PDLIM2: variants seen among roughly 807,000 people sequenced by gnomAD.
The protein encoded by PDLIM2 is PDZ and LIM domain protein 2.
Under a neutral mutation model 54.1 loss-of-function variants are expected in PDLIM2, and 51 were observed. The observed-to-expected ratio is 0.94, with a 90% CI of 0.75 to 1.19. The LOEUF (loss-of-function observed/expected upper bound fraction) is 1.19. Ranked by LOEUF, PDLIM2 falls within the 50% of genes most tolerant of loss-of-function variation. The pLI is 0.00. For missense variants in PDLIM2, 912 were observed against 874.0 expected (o/e 1.04, Z -0.55); for synonymous variants, 398 against 385.6 (o/e 1.03, Z -0.38).
At chr8:22,587,357 C>T (rs942364825) in intron 6 of PDLIM2, among the ~76,000 whole-genome samples, 10 of 151,982 alleles carry the variant, frequency 6.6e-5, no homozygotes, top group Non-Finnish European at 1.2e-4. Flanking sequence ...CATAGTGAAA[C>T]CCCCATCTCT....
At chr8:22,584,304 G>A (rs185877256) in intron 3 of PDLIM2, among the ~76,000 whole-genome samples, 4 of 151,524 alleles carry the variant, frequency 2.6e-5, no homozygotes, top group Non-Finnish European at 4.4e-5. Flanking sequence ...GTGAGCCACC[G>A]TGCCCGGCCT....
chr8:22,593,808 C>T (rs1277532955), exon 10 of PDLIM2: 4 of 1,604,350 alleles, frequency 2.5e-6, no homozygotes, highest in Middle Eastern at 1.6e-4. Flanking sequence ...GTGGGCTGAA[C>T]CTGAAGATGC....
At chr8:22,592,880 T>A (rs2957092) in intron 9 of PDLIM2, 42,718 of 152,112 alleles carry the variant, frequency 0.28, 7,489 homozygotes, top group East Asian at 0.61. Flanking sequence ...TTAAAAAAAA[T>A]TTTTAATATT....
At chr8:22,579,414 G>A in exon 1 of PDLIM2, 1 of 1,512,856 alleles carries the variant, frequency 6.6e-7, no homozygotes, top group Non-Finnish European at 8.8e-7. Context: ...CCCCCAGCCC[G>A]CAGGGTACTT....
intron 1 of PDLIM2, 93 bp from the exon 1 acceptor site, chr8:22,580,382 A>C: frequency 8.5e-7 from 1 of 1,174,024 alleles, no homozygotes. Flanking sequence ...AGACTAAGGA[A>C]GGGAGAACCC....
downstream of PDLIM2, chr8:22,594,713 C>G (rs983144758): frequency 5.8e-6 from 9 of 1,542,656 alleles, no homozygotes; most frequent in African/African-American, 1.1e-4. Context: ...CCAGGTTGAT[C>G]TACCGACACC....
At chr8:22,593,603 A>ATT in intron 9 of PDLIM2, 130 bp from the exon 9 acceptor site, 5 of 574,878 alleles carry the variant, frequency 8.7e-6, no homozygotes, top group Non-Finnish European at 1.4e-5. Context: ...AAAAAAAAAA[A>ATT]GTCTAGTCTC....
At chr8:22,593,679 T>C (rs150711946) in intron 9 of PDLIM2, 54 bp from the exon 9 acceptor site, 1 of 1,489,778 alleles carries the variant, frequency 6.7e-7, no homozygotes, top group African/African-American at 1.4e-5. Context: ...CTGGGCATGG[T>C]GGCCTCCTGC....
At chr8:22,595,164 C>G (rs1800658460), downstream of PDLIM2, 1 of 153,652 alleles carries the variant, frequency 6.5e-6, no homozygotes. Flanking sequence ...TCCCTGCCGG[C>G]AGCTTTGTGC....
chr8:22,587,049 C>G (rs1341695883), intron 6 of PDLIM2, among the ~76,000 whole-genome samples: 1 of 152,206 alleles, frequency 6.6e-6, no homozygotes, highest in Non-Finnish European at 1.5e-5. Context: ...ACCTTGATGA[C>G]TCTGCTCATT....
exon 1 of PDLIM2, chr8:22,578,771 G>A (rs964285289): frequency 1.7e-5 from 21 of 1,233,792 alleles, no homozygotes; most frequent in Non-Finnish European, 2.0e-5. Flanking sequence ...CCCTGCCCAG[G>A]ACCTGGGGAT....
intron 6 of PDLIM2, among the ~76,000 whole-genome samples, chr8:22,587,267 A>G (rs1218812531): frequency 6.6e-6 from 1 of 152,006 alleles, no homozygotes; most frequent in Non-Finnish European, 1.5e-5. Flanking sequence ...GTGCTGTGAC[A>G]TGTGCCTGGA....
downstream of PDLIM2, chr8:22,594,564 C>T (rs776272371): frequency 1.9e-6 from 3 of 1,614,054 alleles, no homozygotes; most frequent in South Asian, 3.3e-5. Flanking sequence ...ATGAGATTGT[C>T]ACTGGAAGCT....
At position 22,581,363 on chromosome 8, in the gene PDLIM2, C is replaced by T. The variant is rs764642235; in HGVS notation, c.844-16C>T. ...CTGGGCCACGGTCTGAGCATGCCAGCTCCTCATCCCTACAGGTGGCCGAGC... is the reference window on the plus strand; with the variant it reads ...CTGGGCCACGGTCTGAGCATGCCAGTTCCTCATCCCTACAGGTGGCCGAGC... On this transcript the variant is annotated splice_polypyrimidine_tract_variant and intron_variant, in intron 2 of 9. Transcript: ENST00000308354. 6.3e-7 allele frequency: 1 copy of T among 1,587,558 alleles called. No individual in the cohort carries two copies. The highest frequency in any genetic ancestry group is 8.6e-7 in the Non-Finnish European group (1 of 1,169,064).
At position 22,584,904 on chromosome 8, in the gene PDLIM2, C is replaced by G; in HGVS notation, c.1065+14C>G. 1.2e-6 allele frequency: 2 copies of G among 1,614,112 alleles called. No homozygotes were observed. Among genetic ancestry groups the G allele is most frequent in the Non-Finnish European group, 1.7e-6 (2 of 1,179,972 alleles). Reference sequence around the variant, plus strand: ...ACTCGCTTCCAGGTAAGCTGGTGCCCTCCCCTGACAGCCTCAGCACCCTGA... The same window carrying G: ...ACTCGCTTCCAGGTAAGCTGGTGCCGTCCCCTGACAGCCTCAGCACCCTGA... On this transcript the variant is annotated intron_variant, in intron 4 of 9. Transcript: ENST00000308354.
Position 22,589,467 on chromosome 8 carries a change from C to G in PDLIM2, c.1367+93C>G, listed in dbSNP as rs557235303. 2.0e-6 allele frequency: 3 copies of G among 1,530,102 alleles called. No individual in the cohort carries two copies. The South Asian group carries it at 3.6e-5, about 18-fold the overall frequency. The allele number at this position is 1,530,102 out of a possible 1,614,324, so 94.8% of individuals were successfully genotyped here. A position where few individuals can be genotyped will look rare whatever the true frequency, so the allele number is the denominator to read the frequency against. On this transcript the variant is annotated intron_variant, in intron 7 of 9. Transcript: ENST00000308354. ...CTTCCCCGAGAGGGATGGGGTCCCC[C>G]AAGCCCAGTTGGCTCCTCCACCTCC... is the stretch of plus-strand genomic sequence containing the variant.
At chr8:22,588,367 G>A (rs1339302839) in intron 6 of PDLIM2, 2 of 152,294 alleles carry the variant, frequency 1.3e-5, no homozygotes, top group Admixed American at 1.3e-4. Flanking sequence ...ATTCATCCAT[G>A]ACTTTGAATT....
At chr8:22,585,883 A>AGC (rs1037037637) in intron 6 of PDLIM2, among the ~76,000 whole-genome samples, 5 of 148,556 alleles carry the variant, frequency 3.4e-5, no homozygotes, top group African/African-American at 1.2e-4. Flanking sequence ...TTCTGCCTTG[A>AGC]GCGCTCTTGG....
In PDLIM2 at chr8:22,578,834, C is replaced by T; in HGVS notation, c.55C>T (p.Arg19Ter). 5 of 1,234,398 alleles carry T rather than the reference C, an allele frequency of 4.1e-6. No individual in the cohort carries two copies. The highest frequency in any genetic ancestry group is 1.5e-5 in the African/African-American group (1 of 64,598). 76.5% of individuals were successfully genotyped at this position (1,234,398 alleles called of 1,614,324 possible). A position where few individuals can be genotyped will look rare whatever the true frequency, so the allele number is the denominator to read the frequency against. ...GGAGAGCTTTATGGGGCTGCCCCCT[C>T]GATCGTCTGCGAAGTGGGGCGCGGG... The change falls in exon 1 of 10, where the codon CGA (arginine) becomes TGA (stop). Residue 19 changes from arginine to a stop codon, truncating the protein, a stop_gained. Coordinates refer to ENST00000308354, the Ensembl canonical transcript of PDLIM2. LOFTEE classifies it high-confidence loss of function.
Sources: gnomAD v4.1 joint callset for allele counts (sites outside exome capture counted in the v4.1 genomes callset) on GRCh38, gnomAD v4.1.1 for gene constraint, MANE v1.5 for transcripts, NCBI Gene and HGNC (gene_info 2026-07-23, HGNC 2026-07-21) for gene names.